The following OTUD6B variants were observed in gnomAD, a reference collection of about 807,000 sequenced individuals.
OTUD6B encodes OTU deubiquitinase 6B.
In OTUD6B, 41 loss-of-function variants were observed where a neutral mutation model predicts 36.9. The observed-to-expected ratio is 1.11, with a 90% CI of 0.87 to 1.44. The LOEUF (loss-of-function observed/expected upper bound fraction) is 1.44, where lower values mean the gene tolerates loss of function less well. OTUD6B is among the 40% of genes most tolerant of loss of function. The probability of loss-of-function intolerance (pLI) is 0.00; values close to 1 mark genes in which losing one functional copy is unlikely to be tolerated. For synonymous variants in OTUD6B, 114 were observed against 114.2 expected (o/e 1.00, Z 0.01); for missense variants, 356 against 344.8 (o/e 1.03, Z -0.26).
intron 1 of OTUD6B, 38 bp from the exon 2 acceptor site, chr8:91,071,100 C>T: frequency 3.1e-6 from 5 of 1,606,442 alleles, no homozygotes; most frequent in Non-Finnish European, 4.2e-6. Flanking sequence ...TCCTTTTACT[C>T]CTGCGTGTCT....
intron 6 of OTUD6B, 122 bp from the exon 7 acceptor site, chr8:91,084,662 G>A (rs546587509): frequency 9.0e-7 from 1 of 1,106,592 alleles, no homozygotes; most frequent in Non-Finnish European, 1.2e-6. Flanking sequence ...AGTCTATTGA[G>A]TGAAACCCAT....
At chr8:91,075,465 T>C (rs535524620) in intron 3 of OTUD6B, among the ~76,000 whole-genome samples, 5 of 152,198 alleles carry the variant, frequency 3.3e-5, no homozygotes, top group African/African-American at 4.8e-5. Flanking sequence ...TTCCTATCTT[T>C]ATCAAAACTT....
At position 91,083,363 on chromosome 8, in the gene OTUD6B, G is replaced by A. The variant is rs564673210; in HGVS notation, c.691-645G>A. On this transcript the variant is annotated intron_variant, in intron 5 of 6. Transcript: ENST00000404789. ...TTTTTTGTTATGAACATTTTCAAGC[G>A]TATTCAAAAGTAGACTAGTATAATA... Among the ~76,000 whole-genome samples the A allele has an allele frequency of 1.0e-3, 158 of 152,174 alleles. 3 individuals carry two copies. Among genetic ancestry groups the A allele is most frequent in the African/African-American group, 3.6e-3 (150 of 41,520 alleles).
At chr8:91,070,766 C>G (rs1812678120) in intron 1 of OTUD6B, among the ~76,000 whole-genome samples, 1 of 152,062 alleles carries the variant, frequency 6.6e-6, no homozygotes, top group Non-Finnish European at 1.5e-5. Flanking sequence ...CGATGCCTCC[C>G]TTTTCTATAC....
At chr8:91,079,173 T>G (rs550486367) in intron 4 of OTUD6B, 1 of 152,196 alleles carries the variant, frequency 6.6e-6, no homozygotes, top group African/African-American at 2.4e-5. Flanking sequence ...ACTATCACAG[T>G]TAAGATAAAA....
In OTUD6B at chr8:91,084,770, T is replaced by A; in HGVS notation, c.798-14T>A. ...TCATCAAAACTACTCATTTCTTTTTTTTTTTAATTTCAGATATATGAGACA... is the reference window on the plus strand; with the variant it reads ...TCATCAAAACTACTCATTTCTTTTTATTTTTAATTTCAGATATATGAGACA... On this transcript the variant is annotated splice_polypyrimidine_tract_variant and intron_variant, in intron 6 of 6. Transcript: ENST00000404789. 6.6e-7 allele frequency: 1 copy of A among 1,507,044 alleles called. No homozygotes were observed. The highest frequency in any genetic ancestry group is 8.9e-7 in the Non-Finnish European group (1 of 1,121,506). The allele number at this position is 1,507,044 out of a possible 1,614,324, so 93.4% of individuals were successfully genotyped here. A position where few individuals can be genotyped will look rare whatever the true frequency, so the allele number is the denominator to read the frequency against.
At chr8:91,075,364 G>A (rs1010345809) in intron 3 of OTUD6B, among the ~76,000 whole-genome samples, 1 of 151,930 alleles carries the variant, frequency 6.6e-6, no homozygotes, top group African/African-American at 2.4e-5. Context: ...CATGCCAGTA[G>A]CATAACAAAA....
rs763054274 is a variant in OTUD6B at position 91,078,451 on chromosome 8, A to G, written c.411A>G (p.Lys137=). The G allele has an allele frequency of 7.5e-6, 12 of 1,603,756 alleles. No homozygotes were observed. In the South Asian group the frequency reaches 9.0e-5, roughly 12 times the overall value. ...LTGARHMESE[K]LAQILAARQL... ...GAGCCAGACATATGGAAAGTGAGAAACTTGCTCAAATATTGGCAGCTAGAC... is the reference window on the plus strand; with the variant it reads ...GAGCCAGACATATGGAAAGTGAGAAGCTTGCTCAAATATTGGCAGCTAGAC... The change falls in exon 4 of 7, where the codon AAA becomes AAG. Residue 137 remains lysine (K), a synonymous_variant. Coordinates refer to ENST00000404789, the MANE Select transcript of OTUD6B (RefSeq NM_016023.5).
At position 91,085,077 on chromosome 8, in the gene OTUD6B, C is replaced by A. The variant is rs756761238; in HGVS notation, c.*209C>A. ...TGGAATTTTAAAAATTTGTTAAGTT[C>A]ATTGTAGAGAACACCATTCATAGAC... On this transcript the variant is annotated 3_prime_UTR_variant, in exon 7 of 7. Coordinates refer to ENST00000404789, the MANE Select transcript of OTUD6B (RefSeq NM_016023.5). 1.3e-5 allele frequency: 4 copies of A among 302,756 alleles called. No homozygotes were observed. The highest frequency in any genetic ancestry group is 4.4e-5 in the African/African-American group (2 of 45,576). 18.8% of individuals were successfully genotyped at this position (302,756 alleles called of 1,614,324 possible). A position where few individuals can be genotyped will look rare whatever the true frequency, so the allele number is the denominator to read the frequency against.
At chr8:91,072,524 T>A (rs1161460701) in intron 2 of OTUD6B, among the ~76,000 whole-genome samples, 1 of 152,254 alleles carries the variant, frequency 6.6e-6, no homozygotes, top group African/African-American at 2.4e-5. Context: ...TGATTTTTGG[T>A]TTGCTGTTGA....
chr8:91,084,732 A>C, intron 6 of OTUD6B, 52 bp from the exon 7 acceptor site: 1 of 1,351,376 alleles, frequency 7.4e-7, no homozygotes, highest in Non-Finnish European at 9.8e-7. Flanking sequence ...ATATATATAT[A>C]GAAAAATTGC....
intron 3 of OTUD6B, 27 bp from the exon 4 acceptor site, chr8:91,078,329 A>AATATTAAG: frequency 6.6e-7 from 1 of 1,514,674 alleles, no homozygotes; most frequent in Non-Finnish European, 8.8e-7. Context: ...ATTATGAATT[A>AATATTAAG]ACTTTCATGC....
At chr8:91,083,917 T>C in intron 5 of OTUD6B, 91 bp from the exon 6 acceptor site, 1 of 1,506,606 alleles carries the variant, frequency 6.6e-7, no homozygotes, top group South Asian at 1.3e-5. Flanking sequence ...GAACACAGCG[T>C]ATCCCTGCTC....
chr8:91,075,974 G>T (rs186778625), intron 3 of OTUD6B, among the ~76,000 whole-genome samples: 3 of 152,110 alleles, frequency 2.0e-5, no homozygotes, highest in African/African-American at 4.8e-5. Context: ...TTTATTCAAA[G>T]AACTTACAAA....
rs748645688 is a variant in OTUD6B at position 91,084,764 on chromosome 8, C to CT, written c.798-9dup. The CT allele has an allele frequency of 0.017, 18,879 of 1,101,228 alleles. No homozygotes were observed. Among genetic ancestry groups the CT allele is most frequent in the South Asian group, 0.02 (1,151 of 56,548 alleles). 68.2% of individuals were successfully genotyped at this position (1,101,228 alleles called of 1,614,324 possible). On this transcript the variant is annotated intron_variant, in intron 6 of 6. Coordinates refer to ENST00000404789, the MANE Select transcript of OTUD6B (RefSeq NM_016023.5). ...TTGCTTTCATCAAAACTACTCATTT[C>CT]TTTTTTTTTTTAATTTCAGATATAT...
intron 4 of OTUD6B, among the ~76,000 whole-genome samples, chr8:91,079,677 G>A (rs1403690373): frequency 6.6e-6 from 1 of 151,728 alleles, no homozygotes; most frequent in African/African-American, 2.4e-5. Flanking sequence ...TTTGATATAT[G>A]CATAGGCAAT....
At chr8:91,071,808 C>T (rs1812705563) in intron 2 of OTUD6B, among the ~76,000 whole-genome samples, 3 of 152,118 alleles carry the variant, frequency 2.0e-5, no homozygotes. Flanking sequence ...TACTTCTTTA[C>T]CTATTTACTT....
At chr8:91,076,827 C>T in intron 3 of OTUD6B, 1 of 695,362 alleles carries the variant, frequency 1.4e-6, no homozygotes, top group Non-Finnish European at 2.6e-6. Flanking sequence ...CTGTGATCCA[C>T]AGTTCTAGGT....
intron 5 of OTUD6B, among the ~76,000 whole-genome samples, chr8:91,083,697 T>C (rs1812950566): frequency 6.6e-6 from 1 of 152,170 alleles, no homozygotes; most frequent in Non-Finnish European, 1.5e-5. Flanking sequence ...GTATGAAACA[T>C]GAATGAATTT....
Sources: allele counts gnomAD v4.1 joint callset (sites outside exome capture counted in the v4.1 genomes callset), GRCh38; gene constraint gnomAD v4.1.1; transcripts MANE v1.5; gene names NCBI Gene and HGNC (gene_info 2026-07-23, HGNC 2026-07-21).